QTMAN: variants seen among roughly 807,000 people sequenced by gnomAD.
The protein encoded by QTMAN is queuosine-tRNA mannosyltransferase.
At chr2:144,161,358 C>A in the QTMAN span, among the ~76,000 whole-genome samples, 1 of 152,162 alleles carries the variant, frequency 6.6e-6, no homozygotes, top group Admixed American at 6.6e-5. Flanking sequence ...CACCCACTTA[C>A]ATCTTGTAAG....
chr2:143,970,259 A>G, the QTMAN span, among the ~76,000 whole-genome samples: 1 of 152,254 alleles, frequency 6.6e-6, no homozygotes, highest in Non-Finnish European at 1.5e-5. Context: ...TGCTTTACAT[A>G]GGCCACCTAA....
At chr2:144,328,405 C>A in the QTMAN span, among the ~76,000 whole-genome samples, 24 of 152,144 alleles carry the variant, frequency 1.6e-4, no homozygotes, top group Non-Finnish European at 1.5e-5. Context: ...ATTCTAGATG[C>A]CTCACACACA....
chr2:143,978,394 A>C, the QTMAN span, among the ~76,000 whole-genome samples: 5 of 152,220 alleles, frequency 3.3e-5, no homozygotes, highest in African/African-American at 1.2e-4. Context: ...CACTAGGTCC[A>C]CTCCACAACA....
At chr2:144,235,899 TA>T in the QTMAN span, among the ~76,000 whole-genome samples, 1 of 151,988 alleles carries the variant, frequency 6.6e-6, no homozygotes, top group Non-Finnish European at 1.5e-5. Context: ...TGAGTGCTTC[TA>T]AGGTTATTCT....
chr2:144,207,464 A>G, the QTMAN span, among the ~76,000 whole-genome samples: 178 of 152,254 alleles, frequency 1.2e-3, 2 homozygotes, highest in African/African-American at 4.1e-3. Flanking sequence ...CAAGATGGGC[A>G]TTGGAGCTTC....
chr2:144,241,693 C>A, the QTMAN span, among the ~76,000 whole-genome samples: 12 of 152,000 alleles, frequency 7.9e-5, no homozygotes, highest in Non-Finnish European at 7.4e-5. Flanking sequence ...TTCTTTCTGT[C>A]CATCTTTCTT....
the QTMAN span, among the ~76,000 whole-genome samples, chr2:144,327,405 G>C: frequency 7.9e-5 from 12 of 152,082 alleles, no homozygotes; most frequent in Non-Finnish European, 1.5e-5. Context: ...AAAACTAAGA[G>C]AAGAAAAAGG....
At chr2:144,248,120 T>G in the QTMAN span, among the ~76,000 whole-genome samples, 2 of 152,144 alleles carry the variant, frequency 1.3e-5, no homozygotes, top group African/African-American at 2.4e-5. Flanking sequence ...TGACAGTGTT[T>G]TACGTAATAG....
chr2:144,308,072 C>G, the QTMAN span, among the ~76,000 whole-genome samples: 3 of 151,510 alleles, frequency 2.0e-5, no homozygotes, highest in Admixed American at 6.6e-5. Flanking sequence ...TCAAGACTTA[C>G]TACTGAACAA....
At chr2:144,204,016 A>C in the QTMAN span, among the ~76,000 whole-genome samples, 14 of 152,084 alleles carry the variant, frequency 9.2e-5, 1 homozygote, top group Admixed American at 2.6e-4. Flanking sequence ...TAAAGACTTA[A>C]ATGTTAGACC....
chr2:144,171,449 C>T, the QTMAN span, among the ~76,000 whole-genome samples: 1 of 152,180 alleles, frequency 6.6e-6, no homozygotes, highest in Non-Finnish European at 1.5e-5. Flanking sequence ...CTAGCATCTA[C>T]AAAAATTTTT....
the QTMAN span, among the ~76,000 whole-genome samples, chr2:144,239,152 C>A: frequency 2.8e-5 from 4 of 140,566 alleles, no homozygotes; most frequent in African/African-American, 1.1e-4. Context: ...CAGATATACG[C>A]ACTGTTAAAA....
At chr2:144,129,994 A>G in the QTMAN span, among the ~76,000 whole-genome samples, 95 of 151,910 alleles carry the variant, frequency 6.3e-4, no homozygotes, top group Non-Finnish European at 8.3e-4. Flanking sequence ...GATTTGAGAC[A>G]TCATTTATTG....
the QTMAN span, among the ~76,000 whole-genome samples, chr2:144,044,452 T>C: frequency 3.9e-5 from 6 of 152,164 alleles, no homozygotes; most frequent in Non-Finnish European, 5.9e-5. Flanking sequence ...AGGGCCATGC[T>C]TCCCCACATC....
the QTMAN span, among the ~76,000 whole-genome samples, chr2:144,271,752 C>T: frequency 1.3e-5 from 2 of 152,118 alleles, no homozygotes; most frequent in Non-Finnish European, 2.9e-5. Flanking sequence ...GTTTACCCTC[C>T]TCCCTTTAAA....
the QTMAN span, among the ~76,000 whole-genome samples, chr2:144,144,189 A>G: frequency 1.3e-5 from 2 of 151,936 alleles, no homozygotes; most frequent in Non-Finnish European, 2.9e-5. Context: ...AGGAATCGAG[A>G]GCTGAATTGT....
the QTMAN span, among the ~76,000 whole-genome samples, chr2:144,016,496 C>T: frequency 2.0e-5 from 3 of 152,058 alleles, no homozygotes; most frequent in Non-Finnish European, 2.9e-5. Context: ...CGTACATTTG[C>T]TCTTTCTGTG....
chr2:144,283,331 G>T, the QTMAN span, among the ~76,000 whole-genome samples: 1 of 152,174 alleles, frequency 6.6e-6, no homozygotes, highest in Non-Finnish European at 1.5e-5. Context: ...ACCAGTTGGT[G>T]TCAGACAACC....
At chr2:144,266,041 G>A in the QTMAN span, among the ~76,000 whole-genome samples, 15 of 152,254 alleles carry the variant, frequency 9.9e-5, no homozygotes, top group African/African-American at 2.9e-4. Flanking sequence ...GCTGGAATAC[G>A]TAAAGAATTT....
Sources: allele counts gnomAD v4.1 joint callset (sites outside exome capture counted in the v4.1 genomes callset), GRCh38; gene constraint gnomAD v4.1.1; transcripts MANE v1.5; gene names NCBI Gene and HGNC (gene_info 2026-07-23, HGNC 2026-07-21).